Variants in CDH10 observed in about 807,000 individuals in gnomAD.
CDH10 encodes the protein cadherin-10.
CDH10 carries 30 observed loss-of-function variants against 73.1 expected under a neutral mutation model. That is an observed-to-expected ratio of 0.41 (90% CI 0.31 to 0.56). The LOEUF (loss-of-function observed/expected upper bound fraction) is 0.56. Among genes scored for constraint, CDH10 ranks in the 20% least tolerant of loss-of-function variants. CDH10 has a pLI of 0.27. For synonymous variants in CDH10, 345 were observed against 348.2 expected (o/e 0.99, Z 0.10); for missense variants, 815 against 973.7 (o/e 0.84, Z 2.17).
intron 8 of CDH10, among the ~76,000 whole-genome samples, chr5:24,501,295 A>G (rs913692597): frequency 2.6e-5 from 4 of 152,192 alleles, no homozygotes; most frequent in Non-Finnish European, 4.4e-5. Context: ...CAGGGTCTTT[A>G]CAAATAATTC....
intron 1 of CDH10, among the ~76,000 whole-genome samples, chr5:24,600,482 T>C (rs1746518974): frequency 1.3e-5 from 2 of 152,114 alleles, no homozygotes; most frequent in Admixed American, 1.3e-4. Flanking sequence ...ATCCAAGAAT[T>C]AACAATGGGA....
chr5:24,557,280 T>G (rs1395995210), intron 2 of CDH10, among the ~76,000 whole-genome samples: 1 of 151,842 alleles, frequency 6.6e-6, no homozygotes, highest in Non-Finnish European at 1.5e-5. Flanking sequence ...TTTTCTGGGT[T>G]TTTTTGTAAT....
At chr5:24,553,179 G>T (rs1744614467) in intron 2 of CDH10, among the ~76,000 whole-genome samples, 2 of 152,100 alleles carry the variant, frequency 1.3e-5, no homozygotes, top group South Asian at 2.1e-4. Context: ...TAGTCCTTCT[G>T]ATCTCTGATC....
chr5:24,603,940 A>G (rs1226219802), intron 1 of CDH10, among the ~76,000 whole-genome samples: 1 of 152,238 alleles, frequency 6.6e-6, no homozygotes, highest in Admixed American at 6.5e-5. Context: ...GAGAAGTTAC[A>G]TTAAAAGCTA....
intron 1 of CDH10, among the ~76,000 whole-genome samples, chr5:24,617,848 A>G (rs928592753): frequency 2.0e-5 from 3 of 152,196 alleles, no homozygotes; most frequent in Non-Finnish European, 4.4e-5. Flanking sequence ...GTCATTATCA[A>G]TATAACCGTA....
intron 5 of CDH10, among the ~76,000 whole-genome samples, chr5:24,511,736 A>G (rs1166513453): frequency 1.3e-5 from 2 of 152,230 alleles, no homozygotes; most frequent in African/African-American, 2.4e-5. Context: ...TTGTCTGCAC[A>G]TATTATGAAT....
intron 2 of CDH10, among the ~76,000 whole-genome samples, chr5:24,567,606 G>A (rs78375603): frequency 0.014 from 2,202 of 152,042 alleles, 58 homozygotes; most frequent in African/African-American, 0.051. Flanking sequence ...ATTAATTCCT[G>A]TTGAATGAAA....
chr5:24,491,392 T>C (rs200073951), intron 11 of CDH10, among the ~76,000 whole-genome samples, 184 bp downstream of exon 11: 2 of 125,560 alleles, frequency 1.6e-5, no homozygotes, highest in East Asian at 4.7e-4. Context: ...CAACAAAAAT[T>C]CTTTATATAT....
intron 1 of CDH10, among the ~76,000 whole-genome samples, chr5:24,597,292 A>G (rs563015711): frequency 4.5e-4 from 69 of 152,116 alleles, no homozygotes; most frequent in Admixed American, 3.9e-3. Flanking sequence ...AAGATGCAAC[A>G]TTTCTAATAT....
intron 2 of CDH10, among the ~76,000 whole-genome samples, chr5:24,562,014 T>TTTGTTA (rs3033730): frequency 0.83 from 125,506 of 151,614 alleles, 51,984 homozygotes; most frequent in East Asian, 0.9. Flanking sequence ...CAATAAATGG[T>TTTGTTA]TTGTTGTTTC....
chr5:24,594,691 T>G (rs1746312094), intron 1 of CDH10, among the ~76,000 whole-genome samples: 1 of 151,942 alleles, frequency 6.6e-6, no homozygotes, highest in Non-Finnish European at 1.5e-5. Context: ...AGAATGATTT[T>G]CCTGTAGATG....
At chr5:24,528,975 C>T (rs1267767806) in intron 5 of CDH10, among the ~76,000 whole-genome samples, 3 of 151,792 alleles carry the variant, frequency 2.0e-5, no homozygotes, top group African/African-American at 4.8e-5. Flanking sequence ...CAAAAGTAAT[C>T]GCAGTTTTTG....
At chr5:24,584,357 G>T (rs919512915) in intron 2 of CDH10, among the ~76,000 whole-genome samples, 1 of 150,596 alleles carries the variant, frequency 6.6e-6, no homozygotes, top group Admixed American at 6.6e-5. Flanking sequence ...GTATGATGGT[G>T]ACTTTGAGCT....
At chr5:24,516,694 T>G (rs1743120080) in intron 5 of CDH10, among the ~76,000 whole-genome samples, 1 of 152,110 alleles carries the variant, frequency 6.6e-6, no homozygotes, top group East Asian at 1.9e-4. Context: ...GATGATTTTT[T>G]TAGGTTGGCT....
chr5:24,535,287 A>AC lies in CDH10; in HGVS notation c.647-9_647-8insG, dbSNP rs1743912253. On this transcript the variant is annotated splice_polypyrimidine_tract_variant and intron_variant, in intron 4 of 11. Transcript: ENST00000264463. ...AAGCAGTCCTGATGATACCTTGAGAAAATATAAAAAAACTTCCATTATCTT... is the reference window on the plus strand; with the variant it reads ...AAGCAGTCCTGATGATACCTTGAGAACAATATAAAAAAACTTCCATTATCTT... 1 of 1,597,772 alleles carries AC rather than the reference A, an allele frequency of 6.3e-7. No individual in the cohort carries two copies. The highest frequency in any genetic ancestry group is 1.4e-5 in the African/African-American group (1 of 73,846).
chr5:24,491,477 T>G, intron 11 of CDH10, 99 bp downstream of exon 11: 2 of 930,860 alleles, frequency 2.1e-6, no homozygotes, highest in South Asian at 1.8e-5. Flanking sequence ...TATCTTAAAA[T>G]TTGGGGTGGT....
intron 2 of CDH10, among the ~76,000 whole-genome samples, chr5:24,591,127 C>A (rs1177089376): frequency 1.3e-5 from 2 of 151,782 alleles, no homozygotes; most frequent in Non-Finnish European, 2.9e-5. Context: ...TTAAACATTG[C>A]CTTTTTGTCA....
At chr5:24,533,997 C>T (rs952672429) in intron 5 of CDH10, among the ~76,000 whole-genome samples, 9 of 151,894 alleles carry the variant, frequency 5.9e-5, no homozygotes, top group African/African-American at 2.2e-4. Flanking sequence ...CAAATACATG[C>T]TTTTAAACAA....
chr5:24,618,219 G>C (rs967080309), intron 1 of CDH10, among the ~76,000 whole-genome samples: 3 of 152,252 alleles, frequency 2.0e-5, no homozygotes, highest in Middle Eastern at 3.4e-3. Flanking sequence ...ATTTAACATG[G>C]ATTTGATTGC....
Sources: allele counts gnomAD v4.1 joint callset (sites outside exome capture counted in the v4.1 genomes callset), GRCh38; gene constraint gnomAD v4.1.1; transcripts MANE v1.5; gene names NCBI Gene and HGNC (gene_info 2026-07-23, HGNC 2026-07-21).